The following RFC2 variants were observed in gnomAD, a reference collection of about 807,000 sequenced individuals.
RFC2 encodes replication factor C subunit 2, also known as A1 40 kDa subunit.
Under a neutral mutation model 44.8 loss-of-function variants are expected in RFC2, and 34 were observed. The ratio of observed to expected loss-of-function variants is 0.76; its 90% CI spans 0.58 to 1.01. The LOEUF (loss-of-function observed/expected upper bound fraction) is 1.01, where lower values mean the gene tolerates loss of function less well. Among genes scored for constraint, RFC2 ranks in the 50% least tolerant of loss-of-function variants. The probability of loss-of-function intolerance (pLI) is 0.00; values close to 1 mark genes in which losing one functional copy is unlikely to be tolerated. For synonymous variants in RFC2, 177 were observed against 168.9 expected (o/e 1.05, Z -0.37); for missense variants, 400 against 453.6 (o/e 0.88, Z 1.07).
intron 9 of RFC2, among the ~76,000 whole-genome samples, chr7:74,235,971 G>A (rs1554718272): frequency 2.6e-5 from 4 of 152,278 alleles, no homozygotes; most frequent in Admixed American, 6.5e-5. Flanking sequence ...TCGCAAATGT[G>A]TTAAGCTGTG....
chr7:74,238,807 A>C lies in RFC2; in HGVS notation c.759+116T>G. On this transcript the variant is annotated intron_variant, in intron 8 of 10. Transcript: ENST00000055077. This position sits in a 1 kb window ranked among gnomAD's most constrained non-coding sequence, Gnocchi z 4.0. ...ACGGGAGCAGGGTGGGCTCCCTGGC[A>C]CCCACAAGAGCAGCTAGATGTCCGT... is the stretch of plus-strand genomic sequence containing the variant. 2.6e-6 allele frequency: 2 copies of C among 780,804 alleles called. No homozygotes were observed. Among genetic ancestry groups the C allele is most frequent in the Non-Finnish European group, 4.4e-6 (2 of 453,482 alleles). 48.4% of individuals were successfully genotyped at this position (780,804 alleles called of 1,614,324 possible). A position where few individuals can be genotyped will look rare whatever the true frequency, so the allele number is the denominator to read the frequency against.
At chr7:74,248,081 C>A (rs1803725985) in intron 4 of RFC2, among the ~76,000 whole-genome samples, 2 of 152,100 alleles carry the variant, frequency 1.3e-5, no homozygotes, top group African/African-American at 4.8e-5. Context: ...AGGCATGAAC[C>A]ACCATGCCTG....
intron 10 of RFC2, among the ~76,000 whole-genome samples, chr7:74,235,190 C>T (rs1249183541): frequency 6.6e-6 from 1 of 152,228 alleles, no homozygotes; most frequent in Non-Finnish European, 1.5e-5. Flanking sequence ...GCGCTTGCCA[C>T]CACACCCAGC....
intron 6 of RFC2, among the ~76,000 whole-genome samples, chr7:74,242,444 T>C (rs1554719391): frequency 6.6e-6 from 1 of 152,198 alleles, no homozygotes; most frequent in African/African-American, 2.4e-5. Context: ...CTGAAGCGAA[T>C]AATACCTCCT....
chr7:74,246,614 A>G, intron 5 of RFC2, 48 bp downstream of exon 5: 3 of 1,288,442 alleles, frequency 2.3e-6, no homozygotes, highest in Non-Finnish European at 3.3e-6. Context: ...AAAACCGAAA[A>G]AGAGATTTAG....
chr7:74,240,165 A>AT, intron 6 of RFC2, 70 bp from the exon 7 acceptor site: 1 of 1,445,390 alleles, frequency 6.9e-7, no homozygotes, highest in Non-Finnish European at 9.6e-7. Context: ...CTCTTTGGTC[A>AT]TAAGGCTGCA....
rs1233152895 is a variant in RFC2, at chr7:74,251,776, C to A, written c.183+653G>T. Among the ~76,000 whole-genome samples, 11 of 134,210 alleles carry A rather than the reference C, an allele frequency of 8.2e-5. No homozygotes were observed. The Admixed American group carries it at 8.2e-4, about 10-fold the overall frequency. 88.0% of individuals were successfully genotyped at this position (134,210 alleles called of 152,430 possible). ...TGGCGCCACTGCACTCCAGCCTGGG[C>A]GACAGAGCGAGACTCCATCTCAAAA... On this transcript the variant is annotated intron_variant, in intron 2 of 10. Transcript: ENST00000055077.
rs1186835576 is a variant in RFC2, at chr7:74,234,033, C to T, written c.954+1499G>A. 7.3e-6 allele frequency: 3 copies of T among 410,988 alleles called. No individual in the cohort carries two copies. In the East Asian group the frequency reaches 2.2e-4, roughly 30 times the overall value. The allele number at this position is 410,988 out of a possible 1,614,324, so 25.5% of individuals were successfully genotyped here. On this transcript the variant is annotated intron_variant, in intron 10 of 10. Coordinates refer to ENST00000055077, the MANE Select transcript of RFC2 (RefSeq NM_181471.3). The stretch of plus-strand genomic sequence containing the variant: ...TGTTTACACTGGCTTTATTCACAGT[C>T]ACCACAATCTGTAAACCCAAATGTC...
At chr7:74,234,098 A>G (rs1554717805) in intron 10 of RFC2, among the ~76,000 whole-genome samples, 1 of 152,184 alleles carries the variant, frequency 6.6e-6, no homozygotes, top group East Asian at 1.9e-4. Context: ...TGGTACACGC[A>G]CAGGATGGAT....
intron 1 of RFC2, chr7:74,253,684 G>T (rs1554721458): frequency 6.5e-6 from 1 of 154,088 alleles, no homozygotes. Flanking sequence ...TCACACCACT[G>T]CACTCCAGCC....
chr7:74,243,458 A>G (rs1015690507), intron 5 of RFC2, among the ~76,000 whole-genome samples: 22 of 151,866 alleles, frequency 1.4e-4, no homozygotes, highest in Non-Finnish European at 2.8e-4. Flanking sequence ...CATCAGAACA[A>G]CCCTCAAGTG....
rs1554717247 is a variant in RFC2 at position 74,232,117 on chromosome 7, C to T, written c.1054G>A (p.Val352Met). The change falls in exon 11 of 11, where the codon GTG becomes ATG. Residue 352 changes from valine to methionine, a missense_variant. By Grantham distance (21) the Val-to-Met change is conservative (BLOSUM62 1). Transcript: ENST00000055077. The stretch of plus-strand genomic sequence containing the variant: ...GTGAAGTCTCTGCTCTAACTGGCCA[C>T]CGGGGCCATTGTCTTCTGACACAGC... The part of the protein sequence containing the change: ...ARLCQKTMAP[V>M]AS 3 of 1,604,432 alleles carry T rather than the reference C, an allele frequency of 1.9e-6. No individual in the cohort carries two copies. Among genetic ancestry groups the T allele is most frequent in the Non-Finnish European group, 2.6e-6 (3 of 1,171,236 alleles).
chr7:74,234,244 T>C (rs1005575300), intron 10 of RFC2, among the ~76,000 whole-genome samples: 1 of 152,118 alleles, frequency 6.6e-6, no homozygotes, highest in African/African-American at 2.4e-5. Flanking sequence ...ATTTATATGA[T>C]ATTCTGGAAA....
rs1019943866 is a variant in RFC2, at chr7:74,248,871, C to T, written c.332+141G>A. ...AACCGGCAAGTTGACAAGTGAGCAACGCTCTTTCACTGGGAAGGGGTGGAG... is the reference window on the plus strand; with the variant it reads ...AACCGGCAAGTTGACAAGTGAGCAATGCTCTTTCACTGGGAAGGGGTGGAG... On this transcript the variant is annotated intron_variant, in intron 4 of 10. Transcript: ENST00000055077. The T allele has an allele frequency of 9.5e-5, 61 of 639,604 alleles. 1 individual carries two copies. The highest frequency in any genetic ancestry group is 4.4e-4 in the South Asian group (24 of 54,464). The allele number at this position is 639,604 out of a possible 1,614,324, so 39.6% of individuals were successfully genotyped here. A position where few individuals can be genotyped will look rare whatever the true frequency, so the allele number is the denominator to read the frequency against.
At chr7:74,237,965 AT>A (rs1438158656) in intron 8 of RFC2, among the ~76,000 whole-genome samples, 4 of 152,088 alleles carry the variant, frequency 2.6e-5, no homozygotes, top group Non-Finnish European at 5.9e-5. Context: ...CCGCAGTGGC[AT>A]GAGGCTCTGC....
chr7:74,246,975 CTT>C (rs539672967), intron 4 of RFC2, among the ~76,000 whole-genome samples: 5 of 135,106 alleles, frequency 3.7e-5, no homozygotes, highest in African/African-American at 1.5e-4. Context: ...AAAATATACA[CTT>C]TTTTTTTTTT....
intron 10 of RFC2, chr7:74,233,837 C>T (rs1470943517): frequency 1.1e-5 from 5 of 456,360 alleles, no homozygotes; most frequent in East Asian, 6.9e-5. Context: ...GAGGATCCTC[C>T]GGAATGCTGG....
chr7:74,233,967 A>G (rs1412647593), intron 10 of RFC2: 2 of 450,992 alleles, frequency 4.4e-6, no homozygotes, highest in Admixed American at 2.4e-5. Context: ...GGGAAAAAGA[A>G]AAACTTAACA....
intron 5 of RFC2, among the ~76,000 whole-genome samples, chr7:74,244,375 CAG>C (rs1164974036): frequency 6.6e-6 from 1 of 150,506 alleles, no homozygotes; most frequent in Non-Finnish European, 1.5e-5. Flanking sequence ...TTTTTTGAAA[CAG>C]AGTCTTGCTC....
Sources: allele counts gnomAD v4.1 joint callset (sites outside exome capture counted in the v4.1 genomes callset), GRCh38; gene constraint gnomAD v4.1.1; non-coding constraint Gnocchi (gnomAD v3.1); transcripts MANE v1.5; gene names NCBI Gene and HGNC (gene_info 2026-07-23, HGNC 2026-07-21).